The following AP4E1 variants were observed in gnomAD, a reference collection of about 807,000 sequenced individuals.
AP4E1 encodes the protein adaptor related protein complex 4 subunit epsilon 1, also known as AP-4 complex subunit epsilon-1.
A neutral mutation model predicts 128.2 loss-of-function variants in AP4E1; 56 were observed. The ratio of observed to expected loss-of-function variants is 0.44; its 90% confidence interval spans 0.35 to 0.55. The LOEUF (loss-of-function observed/expected upper bound fraction) is 0.55. Ranked by LOEUF, AP4E1 falls within the 20% of genes least tolerant of loss-of-function variation. The pLI, the probability that AP4E1 is intolerant of heterozygous loss-of-function variation, is 0.00. For missense variants in AP4E1, 1,324 were observed against 1,307.7 expected (o/e 1.01, Z -0.19); for synonymous variants, 484 against 473.1 (o/e 1.02, Z -0.30).
chr15:50,937,361 A>G (rs1472569250), intron 8 of AP4E1, among the ~76,000 whole-genome samples: 2 of 152,150 alleles, frequency 1.3e-5, no homozygotes, highest in African/African-American at 4.8e-5. Context: ...TCTATATTTT[A>G]TTTTTATGGA....
chr15:50,963,477 G>A (rs941325224), intron 14 of AP4E1, among the ~76,000 whole-genome samples: 1 of 152,156 alleles, frequency 6.6e-6, no homozygotes, highest in African/African-American at 2.4e-5. Context: ...GCATGGCACA[G>A]AAAGTCAAAT....
At chr15:50,916,403 C>G (rs2063631835) in intron 3 of AP4E1, among the ~76,000 whole-genome samples, 1 of 152,174 alleles carries the variant, frequency 6.6e-6, no homozygotes. Flanking sequence ...TCTCTATAGT[C>G]AACCTTTAGG....
At position 50,916,126 on chromosome 15, in the gene AP4E1, C is replaced by G. The variant is rs116012770; in HGVS notation, c.346+555C>G. Among the ~76,000 whole-genome samples, 862 of 152,242 alleles carry G rather than the reference C, an allele frequency of 5.7e-3. 7 individuals are homozygous for G. Among genetic ancestry groups the G allele is most frequent in the African/African-American group, 0.02 (836 of 41,536 alleles). ...TTTTGTTTTTGTAGAGATGGGGTTTCACTATGTTGCATAGGCTGGTCTTGA... is the reference window on the plus strand; with the variant it reads ...TTTTGTTTTTGTAGAGATGGGGTTTGACTATGTTGCATAGGCTGGTCTTGA... On this transcript the variant is annotated intron_variant, in intron 3 of 20. Coordinates refer to ENST00000261842, the MANE Select transcript of AP4E1 (RefSeq NM_007347.5).
rs562778770 is a variant in AP4E1, at chr15:50,922,437, C to T, written c.347-1494C>T. ...AGATTGTGAGAGTAATAGCTCTGCT[C>T]CTCCGACCTCTAGTGAAGGTGTTGG... is the stretch of plus-strand genomic sequence containing the variant. On this transcript the variant is annotated intron_variant, in intron 3 of 20. Transcript: ENST00000261842. Among the ~76,000 whole-genome samples the T allele has an allele frequency of 1.8e-4, 28 of 152,266 alleles. No homozygotes were observed. The South Asian group carries it at 4.2e-3, about 23-fold the overall frequency.
Position 50,993,456 on chromosome 15 carries a change from A to G in AP4E1, c.2177A>G (p.Glu726Gly), listed in dbSNP as rs2064828916. 6.2e-7 allele frequency: 1 copy of G among 1,613,884 alleles called. No homozygotes were observed. Among genetic ancestry groups the G allele is most frequent in the South Asian group, 1.1e-5 (1 of 91,080 alleles). ...LPKKESKTGDESGALPVPQES... is the reference protein window; with the variant it reads ...LPKKESKTGDGSGALPVPQES... ...AAGAAGGAAAGCAAAACTGGTGATG[A>G]AAGTGGAGCTCTGCCTGTTCCTCAA... The change falls in exon 17 of 21, where the codon GAA becomes GGA. Residue 726 changes from glutamate (E) to glycine (G), a missense_variant. Coordinates refer to ENST00000261842, the MANE Select transcript of AP4E1 (RefSeq NM_007347.5).
At chr15:50,940,637 A>G (rs1050975982) in intron 8 of AP4E1, among the ~76,000 whole-genome samples, 9 of 152,182 alleles carry the variant, frequency 5.9e-5, no homozygotes, top group African/African-American at 1.9e-4. Flanking sequence ...TGATACTATG[A>G]TTCCATAGAA....
rs2064893051 is a variant in AP4E1 at position 50,997,504 on chromosome 15, A to G, written c.2525A>G (p.Glu842Gly). 6.2e-7 allele frequency: 1 copy of G among 1,614,060 alleles called. No homozygotes were observed. Among genetic ancestry groups the G allele is most frequent in the Non-Finnish European group, 8.5e-7 (1 of 1,179,990 alleles). ...SNTLHDTGDK[E>G]LKKFSLTSEL... is the part of the protein sequence containing the mutation. Reference sequence around the variant, plus strand: ...ACTTTGCACGATACAGGAGACAAGGAATTAAAGAAATTTTCTCTCACTTCA... The same window carrying G: ...ACTTTGCACGATACAGGAGACAAGGGATTAAAGAAATTTTCTCTCACTTCA... The change falls in exon 18 of 21, where the codon GAA becomes GGA. Residue 842 changes from glutamate to glycine, a missense_variant. Glu to Gly is a moderately conservative substitution (Grantham distance 98, BLOSUM62 -2). Coordinates refer to ENST00000261842, the MANE Select transcript of AP4E1 (RefSeq NM_007347.5).
chr15:50,965,807 C>T (rs962175919), intron 14 of AP4E1, among the ~76,000 whole-genome samples: 2 of 152,128 alleles, frequency 1.3e-5, no homozygotes, highest in East Asian at 1.9e-4. Flanking sequence ...TGATCATCCA[C>T]CTTTTAGTTT....
chr15:50,989,807 TG>T (rs1364056526), intron 16 of AP4E1, among the ~76,000 whole-genome samples: 2 of 152,114 alleles, frequency 1.3e-5, no homozygotes, highest in African/African-American at 4.8e-5. Flanking sequence ...AAATGACATT[TG>T]GCAAAACTGC....
chr15:50,959,556 A>G (rs763204881), intron 14 of AP4E1, among the ~76,000 whole-genome samples: 2 of 152,180 alleles, frequency 1.3e-5, no homozygotes, highest in African/African-American at 2.4e-5. Context: ...CCTAAAAGAA[A>G]TGTTTGAGGG....
intron 16 of AP4E1, among the ~76,000 whole-genome samples, chr15:50,984,649 A>G (rs537027559): frequency 6.6e-6 from 1 of 151,924 alleles, no homozygotes; most frequent in African/African-American, 2.4e-5. Context: ...ATCCTTTTTT[A>G]TGGCTGCATA....
At chr15:50,952,403 G>A (rs547623181) in intron 13 of AP4E1, among the ~76,000 whole-genome samples, 4 of 151,814 alleles carry the variant, frequency 2.6e-5, no homozygotes, top group African/African-American at 9.7e-5. Flanking sequence ...CCAGCTACTC[G>A]GGAGGCTGAG....
intron 11 of AP4E1, among the ~76,000 whole-genome samples, chr15:50,949,383 A>AG (rs1194081704): frequency 6.6e-6 from 1 of 150,522 alleles, no homozygotes; most frequent in African/African-American, 2.5e-5. Context: ...ACTGCCCTCC[A>AG]GGCTTGGCGA....
chr15:50,981,166 A>G (rs562709571), intron 15 of AP4E1, among the ~76,000 whole-genome samples: 6 of 152,262 alleles, frequency 3.9e-5, no homozygotes, highest in South Asian at 2.1e-4. Context: ...TGAGACTCCA[A>G]TCCCCTGAGA....
intron 11 of AP4E1, among the ~76,000 whole-genome samples, chr15:50,949,412 CAAA>C (rs55857377): frequency 1.4e-4 from 10 of 70,400 alleles, no homozygotes; most frequent in Admixed American, 1.7e-4. Flanking sequence ...GATTCTGCCT[CAAA>C]AAAAAAAAAA....
At chr15:50,978,609 C>A (rs1003983899) in intron 15 of AP4E1, among the ~76,000 whole-genome samples, 2 of 152,152 alleles carry the variant, frequency 1.3e-5, no homozygotes, top group African/African-American at 4.8e-5. Flanking sequence ...TATTATGTCT[C>A]ACCTAGAATA....
chr15:50,953,555 A>T (rs1295094965), intron 13 of AP4E1, among the ~76,000 whole-genome samples: 1 of 152,144 alleles, frequency 6.6e-6, no homozygotes, highest in Non-Finnish European at 1.5e-5. Context: ...TGCTGTATAC[A>T]CTACCTGCCT....
intron 13 of AP4E1, among the ~76,000 whole-genome samples, chr15:50,954,489 C>A (rs1448552168): frequency 6.6e-6 from 1 of 152,004 alleles, no homozygotes; most frequent in Non-Finnish European, 1.5e-5. Flanking sequence ...TTTTTCCCCC[C>A]CTTGGGACTT....
rs746230196 is a variant in AP4E1 at position 50,908,876 on chromosome 15, C to T, written c.98C>T (p.Ser33Phe). 1.2e-6 allele frequency: 2 copies of T among 1,610,450 alleles called. No homozygotes were observed. The highest frequency in any genetic ancestry group is 1.7e-5 in the Admixed American group (1 of 59,818). Reference protein sequence around the residue: ...GGPAAAKASFSSRLGSLVRGI... With the variant: ...GGPAAAKASFFSRLGSLVRGI... ...CCCGCGGCCGCCAAGGCGTCCTTCT[C>T]CTCGAGGCTGGGCAGCCTTGTCCGC... Residue 33 changes from serine to phenylalanine, a missense_variant, in exon 1 of 21, where the codon TCC (serine) becomes TTC (phenylalanine). Ser to Phe is a radical substitution (Grantham distance 155). Transcript: ENST00000261842.
Sources: gnomAD v4.1 joint callset for allele counts (sites outside exome capture counted in the v4.1 genomes callset) on GRCh38, gnomAD v4.1.1 for gene constraint, MANE v1.5 for transcripts, NCBI Gene and HGNC (gene_info 2026-07-23, HGNC 2026-07-21) for gene names.